Variants in RERE observed in about 807,000 individuals in gnomAD.
RERE encodes arginine-glutamic acid dipeptide repeats.
A neutral mutation model predicts 146.1 loss-of-function variants in RERE; 40 were observed. The observed-to-expected ratio is 0.27, with a 90% CI of 0.21 to 0.36. The LOEUF (loss-of-function observed/expected upper bound fraction) is 0.36, where lower values mean the gene tolerates loss of function less well. RERE is among the 10% of genes least tolerant of loss of function. The probability of loss-of-function intolerance (pLI) is 1.00; values close to 1 mark genes in which losing one functional copy is unlikely to be tolerated. For synonymous variants in RERE, 1,003 were observed against 866.0 expected (o/e 1.16, Z -2.78); for missense variants, 1,933 against 2,138.7 (o/e 0.90, Z 1.90).
At chr1:8,638,672 G>C (rs1647132623) in intron 2 of RERE, among the ~76,000 whole-genome samples, 1 of 151,610 alleles carries the variant, frequency 6.6e-6, no homozygotes, top group Non-Finnish European at 1.5e-5. Context: ...TGGTTAAGTA[G>C]CTTCTATTTT....
rs772860777 is a variant in RERE, at chr1:8,525,792, A to G, written c.830+15422T>C. 5.0e-6 allele frequency: 8 copies of G among 1,598,962 alleles called. No individual in the cohort carries two copies. In the Admixed American group the frequency reaches 1.4e-4, roughly 28 times the overall value. On this transcript the variant is annotated intron_variant, in intron 7 of 22. Transcript: ENST00000400908. ...GCTGAATGGATCATCCATGACTAAC[A>G]CGGGCTCTGGTGAGTCTAGCTGGAT... is the stretch of plus-strand genomic sequence containing the variant.
rs75251489 is a variant in RERE at position 8,589,707 on chromosome 1, A to T, written c.522+24854T>A. Reference sequence around the variant, plus strand: ...CCCACTTTCTTTCTTTGTGCTGAGAAACACAGGGTGCCTTCACAGTTCTGT... The same window carrying T: ...CCCACTTTCTTTCTTTGTGCTGAGATACACAGGGTGCCTTCACAGTTCTGT... On this transcript the variant is annotated intron_variant, in intron 4 of 22. Coordinates refer to ENST00000400908, the MANE Select transcript of RERE (RefSeq NM_001042681.2). Among the ~76,000 whole-genome samples, 66 of 152,316 alleles carry T rather than the reference A, an allele frequency of 4.3e-4. No homozygotes were observed. The East Asian group carries it at 0.011, about 26-fold the overall frequency.
At chr1:8,387,063 A>G (rs1033663761) in intron 12 of RERE, among the ~76,000 whole-genome samples, 8 of 152,012 alleles carry the variant, frequency 5.3e-5, no homozygotes, top group African/African-American at 1.9e-4. Context: ...AGAAAAAGGT[A>G]GGGGACCTGC....
chr1:8,693,837 G>A (rs1057149503), intron 1 of RERE, among the ~76,000 whole-genome samples: 2 of 152,022 alleles, frequency 1.3e-5, no homozygotes, highest in South Asian at 2.1e-4. Context: ...GGGAGTTAGG[G>A]GGGATGCGGG....
chr1:8,646,456 C>T (rs1393974067), intron 2 of RERE, among the ~76,000 whole-genome samples: 2 of 151,574 alleles, frequency 1.3e-5, no homozygotes, highest in Non-Finnish European at 2.9e-5. Context: ...CACTTGAGCT[C>T]GGGAGTTCAA....
intron 2 of RERE, among the ~76,000 whole-genome samples, chr1:8,630,382 CAAACT>C (rs897885979): frequency 6.6e-6 from 1 of 151,704 alleles, no homozygotes; most frequent in Admixed American, 6.6e-5. Flanking sequence ...GAGGAACAAA[CAAACT>C]AAACAGAGAC....
chr1:8,416,966 GGATA>G (rs139741098), intron 12 of RERE, among the ~76,000 whole-genome samples: 4,605 of 152,226 alleles, frequency 0.03, 242 homozygotes, highest in African/African-American at 0.11. Flanking sequence ...TGAGCAGTGA[GGATA>G]GACAACGTTT....
chr1:8,504,836 G>A (rs186024879), intron 8 of RERE, among the ~76,000 whole-genome samples: 2 of 151,948 alleles, frequency 1.3e-5, no homozygotes, highest in East Asian at 1.9e-4. Context: ...CTGGGCGACC[G>A]AGTGAGACTC....
In RERE at chr1:8,646,772, A is replaced by G. The variant is rs138409244; in HGVS notation, c.325+9201T>C. On this transcript the variant is annotated intron_variant, in intron 2 of 22. Transcript: ENST00000400908. Reference sequence around the variant, plus strand: ...CACCACTACGCTGCCACAAAGCAGCAAACTACTGTAAGCAAGGACAGAGGC... The same window carrying G: ...CACCACTACGCTGCCACAAAGCAGCGAACTACTGTAAGCAAGGACAGAGGC... Among the ~76,000 whole-genome samples, 1,363 of 152,336 alleles carry G rather than the reference A, an allele frequency of 8.9e-3. 18 individuals carry two copies. The highest frequency in any genetic ancestry group is 0.031 in the African/African-American group (1,307 of 41,568).
intron 1 of RERE, among the ~76,000 whole-genome samples, chr1:8,770,584 G>A (rs1457215148): frequency 6.6e-6 from 1 of 152,164 alleles, no homozygotes; most frequent in African/African-American, 2.4e-5. Flanking sequence ...AACAATCCAT[G>A]AAGAACAAGG....
intron 10 of RERE, among the ~76,000 whole-genome samples, chr1:8,488,705 G>C (rs1206893702): frequency 6.6e-6 from 1 of 152,062 alleles, no homozygotes; most frequent in Non-Finnish European, 1.5e-5. Flanking sequence ...AAAACACAGA[G>C]GCCCTAATAA....
chr1:8,465,462 G>C (rs1644582950), intron 11 of RERE: 1 of 328,888 alleles, frequency 3.0e-6, no homozygotes. Flanking sequence ...TGGGGCAAGA[G>C]GACTGATGGA....
At chr1:8,517,170 A>G (rs1364074828) in intron 7 of RERE, among the ~76,000 whole-genome samples, 2 of 152,192 alleles carry the variant, frequency 1.3e-5, no homozygotes, top group African/African-American at 4.8e-5. Context: ...CTTCCTGTGA[A>G]TCCAAAAAAT....
At chr1:8,598,711 G>A (rs1385666369) in intron 4 of RERE, among the ~76,000 whole-genome samples, 1 of 152,192 alleles carries the variant, frequency 6.6e-6, no homozygotes, top group Non-Finnish European at 1.5e-5. Context: ...CCATGCCAGA[G>A]AAAAGGATTT....
chr1:8,703,773 C>T (rs1240745994), intron 1 of RERE, among the ~76,000 whole-genome samples: 2 of 152,222 alleles, frequency 1.3e-5, no homozygotes, highest in Non-Finnish European at 2.9e-5. Flanking sequence ...TGCCAACCAC[C>T]TCTGACGTCT....
rs1007936910 is a variant in RERE, at chr1:8,644,112, T to C, written c.325+11861A>G. ...AACAAGGTCTCATGGCCAGCCCACA[T>C]CTATTTCCCCTACCAAACTGCTTCC... On this transcript the variant is annotated intron_variant, in intron 2 of 22. Coordinates refer to ENST00000400908, the MANE Select transcript of RERE (RefSeq NM_001042681.2). Among the ~76,000 whole-genome samples, 3 of 152,138 alleles carry C rather than the reference T, an allele frequency of 2.0e-5. No individual in the cohort carries two copies. The South Asian group carries it at 6.2e-4, about 31-fold the overall frequency.
intron 4 of RERE, among the ~76,000 whole-genome samples, chr1:8,604,226 C>T (rs527985105): frequency 5.3e-5 from 8 of 152,098 alleles, no homozygotes; most frequent in Non-Finnish European, 1.2e-4. Context: ...TGATTCAAAC[C>T]GATACTATGA....
At chr1:8,526,066 G>A (rs1645566541) in intron 7 of RERE, 2 of 1,182,412 alleles carry the variant, frequency 1.7e-6, no homozygotes, top group Non-Finnish European at 1.0e-6. Flanking sequence ...CGTAAATAAA[G>A]CCCAGCCAAC....
chr1:8,389,253 G>A (rs1453854781), intron 12 of RERE, among the ~76,000 whole-genome samples: 1 of 152,176 alleles, frequency 6.6e-6, no homozygotes, highest in African/African-American at 2.4e-5. Flanking sequence ...AGTAGCCTCA[G>A]GGGTATGAAG....
Sources: allele counts gnomAD v4.1 joint callset (sites outside exome capture counted in the v4.1 genomes callset), GRCh38; gene constraint gnomAD v4.1.1; transcripts MANE v1.5; gene names NCBI Gene and HGNC (gene_info 2026-07-23, HGNC 2026-07-21).